Variants in EHMT1 observed in about 807,000 individuals in gnomAD.
EHMT1 encodes histone-lysine N-methyltransferase EHMT1.
EHMT1 carries 15 observed loss-of-function variants against 147.2 expected under a neutral mutation model. That is an observed-to-expected ratio of 0.10 (90% CI 0.07 to 0.16). The LOEUF (loss-of-function observed/expected upper bound fraction) is 0.16. Ranked by LOEUF, EHMT1 falls within the 10% of genes least tolerant of loss-of-function variation. The probability of loss-of-function intolerance (pLI) is 1.00; values close to 1 mark genes in which losing one functional copy is unlikely to be tolerated. For synonymous variants in EHMT1, 795 were observed against 709.6 expected, an observed-to-expected ratio of 1.12 and a Z score of -1.91; for missense variants, 1,587 against 1,772.4, an observed-to-expected ratio of 0.90 and a Z score of 1.88.
intron 1 of EHMT1, among the ~76,000 whole-genome samples, chr9:137,629,093 AT>A (rs199719136): frequency 0.13 from 16,632 of 129,630 alleles, 960 homozygotes; most frequent in Middle Eastern, 0.25. Context: ...TTGCTTTTGT[AT>A]TTTTTTTTTT....
At chr9:137,676,628 C>G (rs1005720092) in intron 1 of EHMT1, 2 of 152,482 alleles carry the variant, frequency 1.3e-5, no homozygotes, top group Non-Finnish European at 2.9e-5. Context: ...GCCCTGCCCC[C>G]GCAAGCCTTT....
chr9:137,752,131 T>C (rs1159074494), intron 6 of EHMT1, among the ~76,000 whole-genome samples, 200 bp from the exon 7 acceptor site: 1 of 152,180 alleles, frequency 6.6e-6, no homozygotes, highest in Non-Finnish European at 1.5e-5. Flanking sequence ...TCTCTGGCCC[T>C]GCCTGGACCA....
chr9:137,711,848 A>G (rs1293439165), intron 2 of EHMT1, among the ~76,000 whole-genome samples: 1 of 152,174 alleles, frequency 6.6e-6, no homozygotes, highest in East Asian at 1.9e-4. Context: ...CAGCTCAGAC[A>G]CTGGACTTGC....
At chr9:137,654,817 C>T (rs1938261299) in intron 1 of EHMT1, among the ~76,000 whole-genome samples, 1 of 152,110 alleles carries the variant, frequency 6.6e-6, no homozygotes, top group African/African-American at 2.4e-5. Context: ...GTGAACAGTG[C>T]ACATGGTTCT....
At chr9:137,717,223 T>A in intron 3 of EHMT1, 41 bp downstream of exon 3, 5 of 1,604,234 alleles carry the variant, frequency 3.1e-6, no homozygotes, top group African/African-American at 2.7e-5. Flanking sequence ...TTTTCCCATC[T>A]CTTTTGTTTT....
At chr9:137,628,977 A>G (rs12336715) in intron 1 of EHMT1, among the ~76,000 whole-genome samples, 5,043 of 152,098 alleles carry the variant, frequency 0.033, 278 homozygotes, top group African/African-American at 0.11. Flanking sequence ...TTTTTTTTCA[A>G]TCATTTCATT....
chr9:137,830,232 T>C (rs913503564), intron 25 of EHMT1, among the ~76,000 whole-genome samples: 1 of 152,218 alleles, frequency 6.6e-6, no homozygotes, highest in Non-Finnish European at 1.5e-5. Flanking sequence ...GTGACACTGC[T>C]CTTCGGTACC....
intron 25 of EHMT1, chr9:137,833,020 G>A (rs1463547086): frequency 3.3e-5 from 5 of 152,368 alleles, no homozygotes; most frequent in African/African-American, 4.8e-5. Flanking sequence ...GGGGGCTGTG[G>A]CTGGTCCTGT....
rs563084020 is a variant in EHMT1, at chr9:137,691,142, C to A, written c.22-19825C>A. Among the ~76,000 whole-genome samples, 4 of 152,082 alleles carry A rather than the reference C, an allele frequency of 2.6e-5. No homozygotes were observed. In the East Asian group the frequency reaches 7.7e-4, roughly 29 times the overall value. On this transcript the variant is annotated intron_variant, in intron 1 of 26. Transcript: ENST00000460843. ...CTCTTGGCACCCACCTTTCTATTTC[C>A]TGTCTCTAAGACTTGGACTATCTAG...
chr9:137,636,836 TGGTCTGTA>T (rs1273131438), intron 1 of EHMT1, among the ~76,000 whole-genome samples: 1 of 152,064 alleles, frequency 6.6e-6, no homozygotes, highest in Non-Finnish European at 1.5e-5. Flanking sequence ...GGTATTATGT[TGGTCTGTA>T]GGTACCTCTT....
chr9:137,659,981 T>G (rs918464680), intron 1 of EHMT1, among the ~76,000 whole-genome samples: 32 of 152,200 alleles, frequency 2.1e-4, no homozygotes, highest in African/African-American at 7.7e-4. Context: ...TAATTGACCT[T>G]TTTCTGTGAT....
At chr9:137,812,530 T>C (rs1954578685) in intron 19 of EHMT1, among the ~76,000 whole-genome samples, 1 of 152,204 alleles carries the variant, frequency 6.6e-6, no homozygotes, top group Non-Finnish European at 1.5e-5. Context: ...CCCTCCCACA[T>C]GTGGATCTCA....
intron 1 of EHMT1, among the ~76,000 whole-genome samples, chr9:137,703,426 C>G (rs1379313422): frequency 1.3e-5 from 2 of 152,222 alleles, no homozygotes; most frequent in Non-Finnish European, 2.9e-5. Flanking sequence ...TTCAGATACT[C>G]TCTTCGTGCA....
chr9:137,693,233 C>T (rs367934009), intron 1 of EHMT1, among the ~76,000 whole-genome samples: 14 of 152,054 alleles, frequency 9.2e-5, no homozygotes, highest in East Asian at 7.7e-4. Flanking sequence ...TTCAAGTTAG[C>T]GGGTATCTAA....
intron 1 of EHMT1, among the ~76,000 whole-genome samples, chr9:137,630,385 A>G (rs1256139579): frequency 2.0e-5 from 3 of 152,216 alleles, no homozygotes; most frequent in Non-Finnish European, 2.9e-5. Flanking sequence ...TGTGGGGAAA[A>G]GTTCCTTGAG....
chr9:137,758,724 A>G (rs1057234244), intron 9 of EHMT1, among the ~76,000 whole-genome samples: 2 of 152,196 alleles, frequency 1.3e-5, no homozygotes, highest in African/African-American at 2.4e-5. Flanking sequence ...TTAATGGGCC[A>G]TTTAAAAATG....
intron 1 of EHMT1, among the ~76,000 whole-genome samples, chr9:137,629,878 A>G (rs1589039826): frequency 6.6e-6 from 1 of 152,326 alleles, no homozygotes; most frequent in Middle Eastern, 3.4e-3. Context: ...CAGGTATGAT[A>G]TAGAAAGCAT....
At chr9:137,700,116 G>T (rs552168109) in intron 1 of EHMT1, among the ~76,000 whole-genome samples, 29 of 152,320 alleles carry the variant, frequency 1.9e-4, no homozygotes, top group Non-Finnish European at 3.2e-4. Flanking sequence ...TCACTGGCAT[G>T]AATATAGCTA....
rs1317802312 is a variant in EHMT1 at position 137,781,270 on chromosome 9, G to A, written c.2276-1021G>A. On this transcript the variant is annotated intron_variant, in intron 14 of 26. Coordinates refer to ENST00000460843, the MANE Select transcript of EHMT1 (RefSeq NM_024757.5). ...GGACGTGTGGTGACGACGCTGGGAC[G>A]TGTGGTGATGACGCTGAGATGTGTG... is the stretch of plus-strand genomic sequence containing the variant. Among the ~76,000 whole-genome samples the A allele has an allele frequency of 5.6e-5, 7 of 125,010 alleles. 1 individual carries two copies. Among genetic ancestry groups the A allele is most frequent in the Non-Finnish European group, 1.1e-4 (7 of 61,524 alleles). The allele number at this position is 125,010 out of a possible 152,430, so 82.0% of individuals were successfully genotyped here.
Sources: allele counts gnomAD v4.1 joint callset (sites outside exome capture counted in the v4.1 genomes callset), GRCh38; gene constraint gnomAD v4.1.1; transcripts MANE v1.5; gene names NCBI Gene and HGNC (gene_info 2026-07-23, HGNC 2026-07-21).